DDX47: variants seen among roughly 807,000 people sequenced by gnomAD.
The protein encoded by DDX47 is DEAD-box helicase 47.
Under a neutral mutation model 58.8 loss-of-function variants are expected in DDX47, and 60 were observed. The ratio of observed to expected loss-of-function variants is 1.02; its 90% CI spans 0.83 to 1.26. The LOEUF is 1.26. DDX47 is among the 50% of genes most tolerant of loss of function. The probability of loss-of-function intolerance (pLI) is 0.00; values close to 1 mark genes in which losing one functional copy is unlikely to be tolerated. For missense variants in DDX47, 530 were observed against 573.2 expected (o/e 0.92, Z 0.77); for synonymous variants, 197 against 204.6 (o/e 0.96, Z 0.32).
At chr12:12,821,882 G>C in intron 4 of DDX47, 83 bp from the exon 5 acceptor site, 1 of 1,180,552 alleles carries the variant, frequency 8.5e-7, no homozygotes. Flanking sequence ...GGGTGGGGCA[G>C]ATAACTTTAT....
At chr12:12,828,314 A>G (rs1863085645) in intron 11 of DDX47, among the ~76,000 whole-genome samples, 1 of 152,194 alleles carries the variant, frequency 6.6e-6, no homozygotes, top group East Asian at 1.9e-4. Context: ...AATTAAAAAT[A>G]TTGTGTAAAA....
intron 11 of DDX47, 111 bp downstream of exon 11, chr12:12,827,486 C>A: frequency 7.7e-7 from 1 of 1,294,796 alleles, no homozygotes; most frequent in Non-Finnish European, 1.1e-6. Flanking sequence ...TATTTTATTC[C>A]AAATTTAAGA....
intron 11 of DDX47, among the ~76,000 whole-genome samples, chr12:12,827,876 C>CTTTTTTTTT (rs58725534): frequency 2.3e-5 from 3 of 132,776 alleles, no homozygotes; most frequent in African/African-American, 5.5e-5. Context: ...TTTCTTTTTT[C>CTTTTTTTTT]TTTTTTTTTT....
Position 12,829,408 on chromosome 12 carries a change from C to CTTTTTTT in DDX47, c.1237-14_1237-8dup. On this transcript the variant is annotated splice_polypyrimidine_tract_variant and intron_variant, in intron 11 of 11. Coordinates refer to ENST00000358007, the MANE Select transcript of DDX47 (RefSeq NM_016355.4). ...TAATTCATTTTCAATCCCATCCTCT[C>CTTTTTTT]TTTTTTTCTTGCAGGAGTTAAGGGA... The CTTTTTTT allele has an allele frequency of 6.3e-7, 1 of 1,599,084 alleles. No homozygotes were observed. The highest frequency in any genetic ancestry group is 1.8e-5 in the Admixed American group (1 of 56,198).
intron 11 of DDX47, among the ~76,000 whole-genome samples, chr12:12,827,877 T>TC (rs1863078719): frequency 1.6e-5 from 2 of 126,374 alleles, no homozygotes; most frequent in African/African-American, 3.4e-5. Context: ...TTCTTTTTTC[T>TC]TTTTTTTTTT....
intron 4 of DDX47, 85 bp from the exon 5 acceptor site, chr12:12,821,880 C>A (rs1354613371): frequency 8.8e-6 from 10 of 1,141,576 alleles, no homozygotes; most frequent in African/African-American, 6.3e-5. Context: ...TGGGGTGGGG[C>A]AGATAACTTT....
In DDX47 at chr12:12,823,843, A is replaced by G. The variant is rs377753737; in HGVS notation, c.751-27A>G. ...AATCCTGTCTCCCAGGTTCAATGAC[A>G]TATATTGTTTTGGGTTTGTAACTTA... On this transcript the variant is annotated intron_variant, in intron 7 of 11. Transcript: ENST00000358007. 5 of 1,609,040 alleles carry G rather than the reference A, an allele frequency of 3.1e-6. No individual in the cohort carries two copies. The East Asian group carries it at 1.1e-4, about 36-fold the overall frequency.
chr12:12,827,625 G>A (rs111435627), intron 11 of DDX47, among the ~76,000 whole-genome samples: 98 of 152,312 alleles, frequency 6.4e-4, no homozygotes, highest in African/African-American at 2.3e-3. Flanking sequence ...CGCACGTGGT[G>A]AGATAGTTCA....
intron 5 of DDX47, 109 bp downstream of exon 5, chr12:12,822,192 C>G: frequency 1.4e-6 from 1 of 692,006 alleles, no homozygotes. Context: ...GTATCAGTTT[C>G]ATTCTTGATA....
At position 12,813,420 on chromosome 12, in the gene DDX47, T is replaced by C. The variant is rs111506767; in HGVS notation, c.53T>C (p.Val18Ala). Residue 18 changes from valine to alanine, a missense_variant, in exon 1 of 12, where the codon GTG becomes GCG. Physicochemically the swap from Val to Ala is moderately conservative, Grantham distance 64. Coordinates refer to ENST00000358007, the MANE Select transcript of DDX47 (RefSeq NM_016355.4). ...CCGACCGAAGCGTCCCAGCCGATTG[T>C]GGAAGAGGAGGAAACTAAAACATTT... ...DSPTEASQPIVEEEETKTFKD... is the reference protein window; with the variant it reads ...DSPTEASQPIAEEEETKTFKD... The C allele has an allele frequency of 2.3e-5, 37 of 1,613,260 alleles. 2 individuals carry two copies. In the African/African-American group the frequency reaches 3.2e-4, roughly 14 times the overall value.
intron 3 of DDX47, 64 bp from the exon 4 acceptor site, chr12:12,821,591 A>G (rs373439760): frequency 8.3e-5 from 127 of 1,526,002 alleles, no homozygotes; most frequent in Admixed American, 4.7e-4. Flanking sequence ...TGGCTTTAAA[A>G]GATGTTCAGT....
At chr12:12,817,656 G>A (rs1262152959) in intron 2 of DDX47, among the ~76,000 whole-genome samples, 1 of 152,176 alleles carries the variant, frequency 6.6e-6, no homozygotes, top group East Asian at 1.9e-4. Context: ...AATGTGGCAG[G>A]TCTATATGAC....
At chr12:12,819,961 A>C (rs944116773) in intron 2 of DDX47, among the ~76,000 whole-genome samples, 2 of 152,198 alleles carry the variant, frequency 1.3e-5, no homozygotes, top group African/African-American at 2.4e-5. Context: ...ATTGTAAGTC[A>C]TGTTCAGGTT....
intron 5 of DDX47, 38 bp downstream of exon 5, chr12:12,822,121 C>A: frequency 1.4e-6 from 2 of 1,467,790 alleles, no homozygotes; most frequent in Non-Finnish European, 1.9e-6. Flanking sequence ...TAGAGCATCT[C>A]AAGGTTCCTG....
At position 12,824,731 on chromosome 12, in the gene DDX47, A is replaced by G. The variant is rs746297459; in HGVS notation, c.1035+54A>G. The stretch of plus-strand genomic sequence containing the variant: ...AGTCCTAAAGTGTATTTCTTAATGG[A>G]CTGTCTTCTGTCTTTCCTTAGTTAC... On this transcript the variant is annotated intron_variant, in intron 9 of 11. Coordinates refer to ENST00000358007, the MANE Select transcript of DDX47 (RefSeq NM_016355.4). 1.2e-5 allele frequency: 18 copies of G among 1,558,544 alleles called. No individual in the cohort carries two copies. In the South Asian group the frequency reaches 2.1e-4, roughly 18 times the overall value.
At chr12:12,827,515 G>A (rs1206074706) in intron 11 of DDX47, 140 bp downstream of exon 11, 5 of 998,506 alleles carry the variant, frequency 5.0e-6, no homozygotes, top group Non-Finnish European at 7.5e-6. Context: ...CTAAGGTGCA[G>A]AGATGGTAGG....
rs545075050 is a variant in DDX47 at position 12,813,719 on chromosome 12, T to G, written c.87+265T>G. On this transcript the variant is annotated intron_variant, in intron 1 of 11. Coordinates refer to ENST00000358007, the MANE Select transcript of DDX47 (RefSeq NM_016355.4). ...ATGTGCATCCAGGAGGTTGTACATA[T>G]GGGGAATGGAATTGGTCTCTTTATA... 1.3e-4 allele frequency among the ~76,000 whole-genome samples: 20 copies of G among 152,296 alleles called. No individual in the cohort carries two copies. In the South Asian group the frequency reaches 3.9e-3, roughly 30 times the overall value.
At position 12,827,226 on chromosome 12, in the gene DDX47, G is replaced by A; in HGVS notation, c.1107-20G>A. 1 of 1,612,610 alleles carries A rather than the reference G, an allele frequency of 6.2e-7. No individual in the cohort carries two copies. Among genetic ancestry groups the A allele is most frequent in the Non-Finnish European group, 8.5e-7 (1 of 1,179,406 alleles). ...TTTGCGTTACCAGGCAACCAGAGCT[G>A]TGCAGTTTTCCTTCCTCAGGTATGA... On this transcript the variant is annotated intron_variant, in intron 10 of 11. Transcript: ENST00000358007.
chr12:12,825,874 T>A, intron 9 of DDX47, 126 bp from the exon 10 acceptor site: 1 of 699,566 alleles, frequency 1.4e-6, no homozygotes, highest in Non-Finnish European at 2.2e-6. Context: ...CCCGGCCATT[T>A]ATTTTCTCCA....
Sources: allele counts gnomAD v4.1 joint callset (sites outside exome capture counted in the v4.1 genomes callset), GRCh38; gene constraint gnomAD v4.1.1; transcripts MANE v1.5; gene names NCBI Gene and HGNC (gene_info 2026-07-23, HGNC 2026-07-21).